Variants in ARHGEF12 observed in about 807,000 individuals in gnomAD.
The protein encoded by ARHGEF12 is KMT2A/ARHGEF12 fusion protein.
ARHGEF12 carries 66 observed loss-of-function variants against 211.2 expected under a neutral mutation model. That is an observed-to-expected ratio of 0.31 (90% CI 0.26 to 0.38). The LOEUF (loss-of-function observed/expected upper bound fraction) is 0.38. Among genes scored for constraint, ARHGEF12 ranks in the 10% least tolerant of loss-of-function variants. ARHGEF12 has a pLI of 1.00. For synonymous variants in ARHGEF12, 592 were observed against 638.4 expected (o/e 0.93, Z 1.09); for missense variants, 1,429 against 1,869.5 (o/e 0.76, Z 4.34).
intron 1 of ARHGEF12, among the ~76,000 whole-genome samples, chr11:120,362,961 G>A (rs925121053): frequency 8.5e-5 from 13 of 152,134 alleles, no homozygotes; most frequent in Admixed American, 2.6e-4. Flanking sequence ...TTAGCCGGGC[G>A]TGGTGGCAGG....
At chr11:120,422,782 T>C (rs1945232771) in intron 6 of ARHGEF12, among the ~76,000 whole-genome samples, 1 of 152,138 alleles carries the variant, frequency 6.6e-6, no homozygotes, top group Non-Finnish European at 1.5e-5. Context: ...AAACATGTTA[T>C]ATGTATGTGT....
intron 1 of ARHGEF12, among the ~76,000 whole-genome samples, chr11:120,387,808 A>T (rs536362809): frequency 3.3e-5 from 5 of 152,270 alleles, no homozygotes; most frequent in African/African-American, 1.2e-4. Flanking sequence ...ATTTACAGTG[A>T]GTAGAAAATA....
chr11:120,340,200 G>A (rs985908546), intron 1 of ARHGEF12, among the ~76,000 whole-genome samples: 1 of 152,070 alleles, frequency 6.6e-6, no homozygotes, highest in African/African-American at 2.4e-5. Context: ...TGTCTTTCTT[G>A]TATCCCTGAG....
intron 1 of ARHGEF12, among the ~76,000 whole-genome samples, chr11:120,339,923 A>T (rs1359984801): frequency 1.3e-5 from 2 of 152,164 alleles, no homozygotes; most frequent in Non-Finnish European, 2.9e-5. Context: ...TTTACTCCCC[A>T]GTCCGCACCC....
chr11:120,354,062 TCTC>T (rs1565422977), intron 1 of ARHGEF12, among the ~76,000 whole-genome samples: 1 of 151,676 alleles, frequency 6.6e-6, no homozygotes, highest in Non-Finnish European at 1.5e-5. Flanking sequence ...CTGCCTCTGA[TCTC>T]CTCAGAGACT....
intron 11 of ARHGEF12, among the ~76,000 whole-genome samples, chr11:120,433,535 T>C (rs1591585790): frequency 2.0e-5 from 3 of 152,242 alleles, no homozygotes; most frequent in South Asian, 2.1e-4. Flanking sequence ...TCTGACTTTA[T>C]GTTTCCAAAG....
At chr11:120,450,215 A>G (rs1946163675) in intron 21 of ARHGEF12, 1 of 152,184 alleles carries the variant, frequency 6.6e-6, no homozygotes, top group Admixed American at 6.5e-5. Flanking sequence ...TACAACAAGA[A>G]CAGCCAAAAT....
chr11:120,384,507 T>C (rs972603691), intron 1 of ARHGEF12, among the ~76,000 whole-genome samples: 1 of 152,214 alleles, frequency 6.6e-6, no homozygotes, highest in Non-Finnish European at 1.5e-5. Context: ...AGTATAGCAA[T>C]GCATTTTTTA....
Position 120,429,835 on chromosome 11 carries a change from G to C in ARHGEF12, c.783+4G>C. The C allele has an allele frequency of 6.2e-7, 1 of 1,608,820 alleles. No individual in the cohort carries two copies. Among genetic ancestry groups the C allele is most frequent in the Non-Finnish European group, 8.5e-7 (1 of 1,178,478 alleles). ...CAAAGCCACAGGCTCTGCTCAGGTA[G>C]CATCACTATTACAAGTGCTACCCAA... is the stretch of plus-strand genomic sequence containing the variant. On this transcript the variant is annotated splice_donor_region_variant and intron_variant, in intron 10 of 40. Transcript: ENST00000397843.
At chr11:120,484,846 C>T (rs959023712) in intron 40 of ARHGEF12, among the ~76,000 whole-genome samples, 20 of 152,066 alleles carry the variant, frequency 1.3e-4, no homozygotes, top group Admixed American at 2.6e-4. Context: ...GAGGATTTGG[C>T]CTTATTGGAT....
intron 19 of ARHGEF12, 98 bp downstream of exon 19, chr11:120,448,004 C>T: frequency 9.9e-7 from 1 of 1,012,924 alleles, no homozygotes; most frequent in South Asian, 1.7e-5. Context: ...TTTTAACTTA[C>T]AAATACAGTT....
intron 1 of ARHGEF12, among the ~76,000 whole-genome samples, chr11:120,383,481 C>G (rs1943935288): frequency 1.3e-5 from 2 of 151,648 alleles, no homozygotes; most frequent in African/African-American, 4.9e-5. Flanking sequence ...CAGTGGGAAC[C>G]CTGAGTTTGT....
At chr11:120,409,591 G>A (rs748957420) in intron 4 of ARHGEF12, 141 bp downstream of exon 4, 1 of 786,874 alleles carries the variant, frequency 1.3e-6, no homozygotes, top group African/African-American at 1.7e-5. Flanking sequence ...ATGATCTACT[G>A]CAGGGAAAGG....
chr11:120,410,538 G>A (rs962789170), intron 4 of ARHGEF12: 1 of 152,030 alleles, frequency 6.6e-6, no homozygotes, highest in Non-Finnish European at 1.5e-5. Context: ...AAAAAATACA[G>A]GAATTGCCCT....
intron 1 of ARHGEF12, among the ~76,000 whole-genome samples, chr11:120,403,518 GA>G (rs71473104): frequency 1.3e-3 from 172 of 136,302 alleles, no homozygotes; most frequent in Admixed American, 1.5e-3. Context: ...AAAAGAAAAG[GA>G]AAAAAAAAAA....
In ARHGEF12 at chr11:120,486,982, T is replaced by C. The variant is rs774104373; in HGVS notation, c.*1905T>C. The C allele has an allele frequency of 4.7e-6, 1 of 214,476 alleles. No homozygotes were observed. Among genetic ancestry groups the C allele is most frequent in the Non-Finnish European group, 9.4e-6 (1 of 106,230 alleles). 13.3% of individuals were successfully genotyped at this position (214,476 alleles called of 1,614,324 possible). A position where few individuals can be genotyped will look rare whatever the true frequency, so the allele number is the denominator to read the frequency against. On this transcript the variant is annotated 3_prime_UTR_variant, in exon 41 of 41. Coordinates refer to ENST00000397843, the MANE Select transcript of ARHGEF12 (RefSeq NM_015313.3). The stretch of plus-strand genomic sequence containing the variant: ...AAATGAAGTTTGGGATTTGGAACTT[T>C]CTGTATCTCTTAGGAGGAACAAGTA...
Position 120,481,440 on chromosome 11 carries a change from A to T in ARHGEF12, c.4418A>T (p.Glu1473Val), listed in dbSNP as rs1213188669. Residue 1473 changes from glutamate (E) to valine (V), a missense_variant, in exon 39 of 41, where the codon GAA (glutamate) becomes GTA (valine). Around this residue, in one of 7 missense-constraint regions of ARHGEF12, gnomAD observed 467 missense variants for 468.4 expected, o/e 1.00. Transcript: ENST00000397843. ...GGGGCAATTTCACCATTCACCCCCG[A>T]ATTTCTGGTCCAGCAGCGCTGGGGA... ...SDGAISPFTP[E>V]FLVQQRWGAM... is the part of the protein sequence containing the mutation. 6.2e-7 allele frequency: 1 copy of T among 1,614,148 alleles called. No individual in the cohort carries two copies.
chr11:120,440,058 G>C (rs564583312), intron 12 of ARHGEF12, 71 bp from the exon 13 acceptor site: 3 of 1,072,986 alleles, frequency 2.8e-6, no homozygotes, highest in Non-Finnish European at 4.2e-6. Flanking sequence ...TTTTTGATGG[G>C]TTGGCTTTAT....
At position 120,428,113 on chromosome 11, in the gene ARHGEF12, T is replaced by A. The variant is rs1286350578; in HGVS notation, c.451T>A (p.Ser151Thr). 4 of 1,608,156 alleles carry A rather than the reference T, an allele frequency of 2.5e-6. No individual in the cohort carries two copies. The highest frequency in any genetic ancestry group is 1.3e-5 in the African/African-American group (1 of 74,794). Residue 151 changes from serine to threonine, a missense_variant, in exon 8 of 41, where the codon TCG (serine) becomes ACG (threonine). Coordinates refer to ENST00000397843, the MANE Select transcript of ARHGEF12 (RefSeq NM_015313.3). Reference sequence around the variant, plus strand: ...CACTGTTCAGGGACGCCCACCTGGGTCGCCCCAGATTCCACTTGCCGACTC... The same window carrying A: ...CACTGTTCAGGGACGCCCACCTGGGACGCCCCAGATTCCACTTGCCGACTC... ...ALTVQGRPPG[S>T]PQIPLADSEV...
Sources: gnomAD v4.1 joint callset for allele counts (sites outside exome capture counted in the v4.1 genomes callset) on GRCh38, gnomAD v4.1.1 for gene constraint, gnomAD v4.1.1 regional missense constraint, MANE v1.5 for transcripts, NCBI Gene and HGNC (gene_info 2026-07-23, HGNC 2026-07-21) for gene names.